The following PDE11A variants were observed in gnomAD, a reference collection of about 807,000 sequenced individuals.
PDE11A encodes the protein dual 3',5'-cyclic-AMP and -GMP phosphodiesterase 11A.
In PDE11A, 100 loss-of-function variants were observed where a neutral mutation model predicts 100.5. The observed-to-expected ratio is 1.00, with a 90% CI of 0.85 to 1.18. The LOEUF (loss-of-function observed/expected upper bound fraction) is 1.18. Among genes scored for constraint, PDE11A ranks in the 50% most tolerant of loss-of-function variants. PDE11A has a pLI of 0.00. For synonymous variants in PDE11A, 381 were observed against 420.8 expected, an observed-to-expected ratio of 0.91 and a Z score of 1.16; for missense variants, 1,141 against 1,152.6, an observed-to-expected ratio of 0.99 and a Z score of 0.15.
At chr2:177,665,236 T>C (rs912217720) in intron 18 of PDE11A, among the ~76,000 whole-genome samples, 4 of 150,402 alleles carry the variant, frequency 2.7e-5, no homozygotes, top group East Asian at 2.0e-4. Flanking sequence ...CTTTGAGAGG[T>C]TGGGGCAGGA....
chr2:178,044,453 T>C (rs2086723581), intron 1 of PDE11A, among the ~76,000 whole-genome samples: 1 of 149,874 alleles, frequency 6.7e-6, no homozygotes, highest in South Asian at 2.1e-4. Flanking sequence ...TATATATGTA[T>C]GTATACATCA....
In PDE11A at chr2:177,906,945, G is replaced by A. The variant is rs144460522; in HGVS notation, c.1072-1758C>T. Among the ~76,000 whole-genome samples, 21 of 152,268 alleles carry A rather than the reference G, an allele frequency of 1.4e-4. No individual in the cohort carries two copies. In the East Asian group the frequency reaches 3.1e-3, roughly 22 times the overall value. On this transcript the variant is annotated intron_variant, in intron 2 of 19. Transcript: ENST00000286063. ...TGACTATAACGGGGATAAAAGCAAG[G>A]AGGAGACTTATTTTAACTTTCCACT...
At chr2:177,650,010 C>G (rs2080284927) in intron 19 of PDE11A, among the ~76,000 whole-genome samples, 1 of 152,046 alleles carries the variant, frequency 6.6e-6, no homozygotes, top group Non-Finnish European at 1.5e-5. Flanking sequence ...CCACAAAGAT[C>G]AAAAAAATTT....
rs2081127672 is a variant in PDE11A, at chr2:177,697,339, A to G, written c.2338T>C (p.Tyr780His). ...TCAAATGCCAATACCTACTCAAAGTACAGCGTGAGGTCTGTTGCCAATATT... is the reference window on the plus strand; with the variant it reads ...TCAAATGCCAATACCTACTCAAAGTGCAGCGTGAGGTCTGTTGCCAATATT... ...QSILATDLTL[Y>H]FERRTEFFEL... Residue 780 changes from tyrosine (Y) to histidine (H), a missense_variant, in exon 15 of 20, where the codon TAC becomes CAC. Physicochemically the swap from Tyr to His is moderately conservative, Grantham distance 83 (BLOSUM62 2). Coordinates refer to ENST00000286063, the MANE Select transcript of PDE11A (RefSeq NM_016953.4). 9 of 1,520,348 alleles carry G rather than the reference A, an allele frequency of 5.9e-6. No homozygotes were observed. Among genetic ancestry groups the G allele is most frequent in the Non-Finnish European group, 8.2e-6 (9 of 1,094,546 alleles). The allele number at this position is 1,520,348 out of a possible 1,614,324, so 94.2% of individuals were successfully genotyped here.
At chr2:177,818,311 G>GTA (rs72106214) in intron 7 of PDE11A, among the ~76,000 whole-genome samples, 227 of 139,832 alleles carry the variant, frequency 1.6e-3, no homozygotes, top group South Asian at 7.7e-3. Context: ...ATATATGTGT[G>GTA]TATATATATA....
At chr2:177,883,501 T>G (rs1345428820) in intron 4 of PDE11A, among the ~76,000 whole-genome samples, 1 of 152,104 alleles carries the variant, frequency 6.6e-6, no homozygotes, top group South Asian at 2.1e-4. Flanking sequence ...TTCACAAATG[T>G]TTCACCACAA....
At chr2:177,972,955 C>T (rs2085790882) in intron 2 of PDE11A, among the ~76,000 whole-genome samples, 2 of 152,180 alleles carry the variant, frequency 1.3e-5, no homozygotes, top group African/African-American at 4.8e-5. Flanking sequence ...GGGAAAGCTT[C>T]ATGAGATAGG....
intron 1 of PDE11A, among the ~76,000 whole-genome samples, chr2:178,061,869 A>G (rs560471025): frequency 6.6e-6 from 1 of 152,158 alleles, no homozygotes; most frequent in Non-Finnish European, 1.5e-5. Flanking sequence ...TTCAACAGAA[A>G]CCCAAAGTCT....
At chr2:177,899,869 A>G (rs2084670606) in intron 3 of PDE11A, among the ~76,000 whole-genome samples, 1 of 151,450 alleles carries the variant, frequency 6.6e-6, no homozygotes, top group South Asian at 2.1e-4. Flanking sequence ...AAGAACATTT[A>G]GATATTTATA....
At chr2:178,025,064 A>G (rs1464465080) in intron 1 of PDE11A, among the ~76,000 whole-genome samples, 1 of 152,188 alleles carries the variant, frequency 6.6e-6, no homozygotes, top group Non-Finnish European at 1.5e-5. Context: ...ATTTGCTGAG[A>G]AAAAGTGAAA....
At chr2:178,040,809 GT>G (rs1338785830) in intron 1 of PDE11A, among the ~76,000 whole-genome samples, 1 of 152,062 alleles carries the variant, frequency 6.6e-6, no homozygotes, top group Non-Finnish European at 1.5e-5. Context: ...CTTCTTTACA[GT>G]TCTTTCTACA....
At chr2:177,914,315 A>T (rs760120705) in intron 2 of PDE11A, among the ~76,000 whole-genome samples, 2 of 152,120 alleles carry the variant, frequency 1.3e-5, no homozygotes, top group Non-Finnish European at 2.9e-5. Context: ...AGTAATTGTC[A>T]TCTGTTTGAT....
intron 12 of PDE11A, among the ~76,000 whole-genome samples, chr2:177,712,274 G>T (rs13429220): frequency 0.091 from 13,786 of 151,810 alleles, 2,072 homozygotes; most frequent in African/African-American, 0.31. Context: ...GCAGTGAATT[G>T]CAAAGTGAAC....
chr2:177,744,740 G>A (rs1180362044), intron 10 of PDE11A, among the ~76,000 whole-genome samples: 1 of 152,234 alleles, frequency 6.6e-6, no homozygotes, highest in African/African-American at 2.4e-5. Context: ...TACCTGTCCA[G>A]TGACTTCAAG....
intron 9 of PDE11A, among the ~76,000 whole-genome samples, chr2:177,799,277 AT>A (rs1382795739): frequency 6.6e-6 from 1 of 152,170 alleles, no homozygotes; most frequent in Non-Finnish European, 1.5e-5. Context: ...AAAAGGGGAT[AT>A]TTGGTTAAGA....
At chr2:177,868,291 G>A (rs2084064064) in intron 5 of PDE11A, among the ~76,000 whole-genome samples, 1 of 151,910 alleles carries the variant, frequency 6.6e-6, no homozygotes, top group South Asian at 2.1e-4. Flanking sequence ...TCTCAAAGTT[G>A]AGGTATATGT....
intron 9 of PDE11A, among the ~76,000 whole-genome samples, chr2:177,781,602 A>G (rs2082455439): frequency 6.6e-6 from 1 of 151,932 alleles, no homozygotes; most frequent in African/African-American, 2.4e-5. Flanking sequence ...TGCTGGGTTC[A>G]AGAGATTCTC....
At chr2:177,829,010 C>T (rs1029456446) in intron 6 of PDE11A, among the ~76,000 whole-genome samples, 3 of 151,692 alleles carry the variant, frequency 2.0e-5, no homozygotes, top group East Asian at 3.9e-4. Context: ...GGCTGGATCT[C>T]GGTGGTAGCA....
At chr2:177,648,342 G>C (rs950263873) in intron 19 of PDE11A, among the ~76,000 whole-genome samples, 1 of 142,454 alleles carries the variant, frequency 7.0e-6, no homozygotes, top group Non-Finnish European at 1.6e-5. Flanking sequence ...AAGTTTGTTT[G>C]TGTAGGCACA....
Sources: allele counts gnomAD v4.1 joint callset (sites outside exome capture counted in the v4.1 genomes callset), GRCh38; gene constraint gnomAD v4.1.1; transcripts MANE v1.5; gene names NCBI Gene and HGNC (gene_info 2026-07-23, HGNC 2026-07-21).